LZTFL1: variants seen among roughly 807,000 people sequenced by gnomAD.
The protein encoded by LZTFL1 is leucine zipper transcription factor like 1.
A neutral mutation model predicts 45.9 loss-of-function variants in LZTFL1; 25 were observed. That is an observed-to-expected ratio of 0.54 (90% CI 0.40 to 0.76). The LOEUF is 0.76. Ranked by LOEUF, LZTFL1 falls within the 30% of genes least tolerant of loss-of-function variation. The pLI is 0.00. For synonymous variants in LZTFL1, 93 were observed against 117.4 expected (o/e 0.79, Z 1.35); for missense variants, 277 against 331.1 (o/e 0.84, Z 1.27).
intron 2 of LZTFL1, among the ~76,000 whole-genome samples, chr3:45,909,714 G>A (rs535805835): frequency 7.4e-4 from 112 of 152,364 alleles, no homozygotes; most frequent in African/African-American, 2.5e-3. Context: ...GTCCCCTGGG[G>A]ATAGAGCAGC....
intron 1 of LZTFL1, among the ~76,000 whole-genome samples, chr3:45,838,254 C>T (rs1024341308): frequency 6.6e-6 from 1 of 152,132 alleles, no homozygotes; most frequent in African/African-American, 2.4e-5. Flanking sequence ...GACTACTTCT[C>T]AGCAATGAAT....
At chr3:45,835,389 G>C in intron 3 of LZTFL1, 1 of 549,610 alleles carries the variant, frequency 1.8e-6, no homozygotes, top group Non-Finnish European at 3.2e-6. Flanking sequence ...GTAATACCTA[G>C]GAACAGTAGA....
At chr3:45,911,214 T>TG in intron 2 of LZTFL1, among the ~76,000 whole-genome samples, 1 of 152,246 alleles carries the variant, frequency 6.6e-6, no homozygotes, top group Admixed American at 6.5e-5. Context: ...CACCTCTTAT[T>TG]GGAAGGGTGT....
intron 3 of LZTFL1, 41 bp from the exon 4 acceptor site, chr3:45,834,339 T>C (rs370658421): frequency 5.4e-6 from 7 of 1,293,944 alleles, no homozygotes; most frequent in African/African-American, 1.5e-5. Flanking sequence ...TCATTTAAAA[T>C]AGATTTATAT....
chr3:45,870,175 G>A (rs1701648925), intron 2 of LZTFL1, among the ~76,000 whole-genome samples: 1 of 152,334 alleles, frequency 6.6e-6, no homozygotes. Context: ...TGTTACAAGG[G>A]TGCTCACGAG....
intron 5 of LZTFL1, among the ~76,000 whole-genome samples, 179 bp from the exon 6 acceptor site, chr3:45,831,317 G>C (rs1360096695): frequency 3.3e-5 from 5 of 152,182 alleles, no homozygotes; most frequent in African/African-American, 1.2e-4. Context: ...CAGTATCTGT[G>C]AGTCAGCTTT....
intron 2 of LZTFL1, among the ~76,000 whole-genome samples, chr3:45,885,403 G>A (rs1416408065): frequency 6.6e-6 from 1 of 152,126 alleles, no homozygotes; most frequent in Non-Finnish European, 1.5e-5. Context: ...GCAATATTTT[G>A]TATATTTAGC....
rs1700593540 is a variant in LZTFL1 at position 45,823,518 on chromosome 3, C to G, written c.*2796G>C. On this transcript the variant is annotated 3_prime_UTR_variant, in exon 10 of 10. Transcript: ENST00000296135. ...ACAATCCAAAAGACACCACAGTCCC[C>G]CACAAAAGCCTCCAAACCAGTTGTC... The G allele has an allele frequency of 3.9e-5, 6 of 152,426 alleles. No homozygotes were observed. In the South Asian group the frequency reaches 1.2e-3, roughly 32 times the overall value. 9.4% of individuals were successfully genotyped at this position (152,426 alleles called of 1,614,324 possible).
At chr3:45,907,949 A>G (rs567048843) in intron 2 of LZTFL1, among the ~76,000 whole-genome samples, 2 of 152,174 alleles carry the variant, frequency 1.3e-5, no homozygotes, top group Non-Finnish European at 2.9e-5. Context: ...CAGCAATGGA[A>G]AATGTTTGGA....
At chr3:45,852,164 A>G (rs1308166580) in intron 4 of LZTFL1, among the ~76,000 whole-genome samples, 2 of 152,242 alleles carry the variant, frequency 1.3e-5, no homozygotes, top group African/African-American at 2.4e-5. Context: ...TTTAAAGAGT[A>G]TTAACACTCA....
chr3:45,908,401 G>A (rs1702722493), intron 2 of LZTFL1, among the ~76,000 whole-genome samples: 1 of 152,174 alleles, frequency 6.6e-6, no homozygotes, highest in Non-Finnish European at 1.5e-5. Context: ...CTAAGCACTG[G>A]GCAAGGTGGT....
intron 2 of LZTFL1, among the ~76,000 whole-genome samples, chr3:45,870,811 A>G (rs181263831): frequency 1.1e-3 from 164 of 152,346 alleles, no homozygotes; most frequent in African/African-American, 3.0e-3. Flanking sequence ...CCACCCCCTG[A>G]CTTCTTCCAG....
At chr3:45,870,815 C>A (rs1197895545) in intron 2 of LZTFL1, among the ~76,000 whole-genome samples, 1 of 152,246 alleles carries the variant, frequency 6.6e-6, no homozygotes, top group African/African-American at 2.4e-5. Flanking sequence ...CCCCTGACTT[C>A]TTCCAGGAGC....
chr3:45,868,774 C>T (rs1030959231), intron 2 of LZTFL1, among the ~76,000 whole-genome samples: 2 of 152,148 alleles, frequency 1.3e-5, no homozygotes, highest in Non-Finnish European at 2.9e-5. Flanking sequence ...CTCTCTGATA[C>T]ATTGTCTCAT....
At chr3:45,902,291 C>A in intron 2 of LZTFL1, 1 of 184,002 alleles carries the variant, frequency 5.4e-6, no homozygotes, top group Admixed American at 6.1e-5. Context: ...CACAGAAGCA[C>A]TGGCTGCTGC....
rs515726136 is a variant in LZTFL1 at position 45,827,459 on chromosome 3, C to A, written c.778G>T (p.Glu260Ter). 1.9e-6 allele frequency: 3 copies of A among 1,593,932 alleles called. No homozygotes were observed. The highest frequency in any genetic ancestry group is 1.1e-5 in the South Asian group (1 of 90,532). Residue 260 changes from glutamate to a stop codon, truncating the protein, a stop_gained and splice_region_variant, in exon 9 of 10, where the codon GAA becomes TAA. Coordinates refer to ENST00000296135, the MANE Select transcript of LZTFL1 (RefSeq NM_020347.4). LOFTEE classifies it high-confidence loss of function. The part of the protein sequence containing the change: ...VQEQLHMAEK[E>*]LEKKFQQTAA... ...GTTTGCTGAAATTTCTTTTCTAATT[C>A]CTGCTTAGTAAAAAATGTCAGCCCA...
At chr3:45,849,310 T>C (rs1174434051) in intron 4 of LZTFL1, among the ~76,000 whole-genome samples, 1 of 152,148 alleles carries the variant, frequency 6.6e-6, no homozygotes, top group Non-Finnish European at 1.5e-5. Context: ...AGAGGGAACA[T>C]AGCAAACACG....
Position 45,901,905 on chromosome 3 carries a change from T to C in LZTFL1, c.-215+11215A>G. Reference sequence around the variant, plus strand: ...AGGAGCACTCTCCCTCTGAGGGGTCTTCTCTGAGGTGCATGGTTCTTTTGG... The same window carrying C: ...AGGAGCACTCTCCCTCTGAGGGGTCCTCTCTGAGGTGCATGGTTCTTTTGG... On this transcript the variant is annotated intron_variant, in intron 2 of 4. Coordinates refer to the LZTFL1 transcript ENST00000472635. This position sits in a 1 kb window ranked among gnomAD's most constrained non-coding sequence, Gnocchi z 4.3. 4 of 1,560,240 alleles carry C rather than the reference T, an allele frequency of 2.6e-6. No individual in the cohort carries two copies. Among genetic ancestry groups the C allele is most frequent in the Non-Finnish European group, 3.5e-6 (4 of 1,151,098 alleles).
chr3:45,859,167 A>T (rs868091770), intron 2 of LZTFL1, among the ~76,000 whole-genome samples: 3 of 152,220 alleles, frequency 2.0e-5, no homozygotes, highest in Non-Finnish European at 2.9e-5. Context: ...TGTTTTTAAA[A>T]ATTTGCTATG....
Sources: allele counts gnomAD v4.1 joint callset (sites outside exome capture counted in the v4.1 genomes callset), GRCh38; gene constraint gnomAD v4.1.1; non-coding constraint Gnocchi (gnomAD v3.1); transcripts MANE v1.5; gene names NCBI Gene and HGNC (gene_info 2026-07-23, HGNC 2026-07-21).